Variants in KCNIP4 observed in about 807,000 individuals in gnomAD.
KCNIP4 encodes the protein Kv channel-interacting protein 4.
Under a neutral mutation model 34.0 loss-of-function variants are expected in KCNIP4, and 12 were observed. The observed-to-expected ratio is 0.35, with a 90% CI of 0.23 to 0.57. The LOEUF (loss-of-function observed/expected upper bound fraction) is 0.57, where lower values mean the gene tolerates loss of function less well. Among genes scored for constraint, KCNIP4 ranks in the 20% least tolerant of loss-of-function variants. KCNIP4 has a pLI of 0.83. For synonymous variants in KCNIP4, 124 were observed against 102.2 expected (o/e 1.21, Z -1.29); for missense variants, 238 against 311.7 (o/e 0.76, Z 1.78).
In KCNIP4 at chr4:21,756,757, C is replaced by T. The variant is rs117691581; in HGVS notation, c.61+191814G>A. Among the ~76,000 whole-genome samples, 333 of 152,018 alleles carry T rather than the reference C, an allele frequency of 2.2e-3. 3 individuals are homozygous for T. In the East Asian group the frequency reaches 0.033, roughly 15 times the overall value. ...AATCAATGAACACTCCTGAAATTTG[C>T]CACTTGTCATTTCATGATATTGAAA... On this transcript the variant is annotated intron_variant, in intron 1 of 8. Transcript: ENST00000382152.
At chr4:20,935,951 G>A (rs982652138) in intron 1 of KCNIP4, among the ~76,000 whole-genome samples, 2 of 152,156 alleles carry the variant, frequency 1.3e-5, no homozygotes, top group African/African-American at 4.8e-5. Flanking sequence ...GGCACTTTGT[G>A]AATGTAATTT....
At chr4:20,913,385 G>C (rs1728511421) in intron 1 of KCNIP4, among the ~76,000 whole-genome samples, 1 of 152,212 alleles carries the variant, frequency 6.6e-6, no homozygotes, top group Non-Finnish European at 1.5e-5. Context: ...CTGAGAGAAA[G>C]AGGGAATAGC....
chr4:21,173,577 G>T (rs1056102363), intron 1 of KCNIP4, among the ~76,000 whole-genome samples: 4 of 152,124 alleles, frequency 2.6e-5, no homozygotes, highest in Admixed American at 2.6e-4. Flanking sequence ...AAAATCTTAG[G>T]AATGATTTAG....
intron 1 of KCNIP4, among the ~76,000 whole-genome samples, chr4:21,193,110 T>C (rs6846494): frequency 0.44 from 65,123 of 148,670 alleles, 16,510 homozygotes; most frequent in African/African-American, 0.72. Context: ...AGCAAGACCC[T>C]GGCTAAAAAA....
intron 1 of KCNIP4, among the ~76,000 whole-genome samples, chr4:21,315,620 C>T (rs369598966): frequency 6.6e-6 from 1 of 152,062 alleles, no homozygotes; most frequent in South Asian, 2.1e-4. Context: ...AGTACCAAAT[C>T]GACATTAAAT....
chr4:21,732,690 G>A lies in KCNIP4; in HGVS notation c.61+215881C>T, dbSNP rs373187130. On this transcript the variant is annotated intron_variant, in intron 1 of 8. Coordinates refer to ENST00000382152, the MANE Select transcript of KCNIP4 (RefSeq NM_025221.6). ...GCACTGATCTGGGGTATTCGGTCTTGCCTCAGCTATGACTGCCTCAATACA... is the reference window on the plus strand; with the variant it reads ...GCACTGATCTGGGGTATTCGGTCTTACCTCAGCTATGACTGCCTCAATACA... Among the ~76,000 whole-genome samples, 1,362 of 151,984 alleles carry A rather than the reference G, an allele frequency of 9.0e-3. 22 individuals carry two copies. The highest frequency in any genetic ancestry group is 0.031 in the African/African-American group (1,299 of 41,448).
At chr4:21,152,733 C>T (rs980311167) in intron 1 of KCNIP4, among the ~76,000 whole-genome samples, 1 of 152,128 alleles carries the variant, frequency 6.6e-6, no homozygotes, top group African/African-American at 2.4e-5. Context: ...TGAGCAAAAG[C>T]CAGCGGTGAT....
intron 1 of KCNIP4, among the ~76,000 whole-genome samples, chr4:21,255,910 A>C (rs2109090265): frequency 6.6e-6 from 1 of 152,328 alleles, no homozygotes; most frequent in Middle Eastern, 3.4e-3. Flanking sequence ...AAGTGCCTAT[A>C]ATATGTCAAG....
At chr4:21,863,310 T>C (rs563799124) in intron 1 of KCNIP4, among the ~76,000 whole-genome samples, 2 of 149,382 alleles carry the variant, frequency 1.3e-5, no homozygotes, top group South Asian at 2.1e-4. Flanking sequence ...GGTCAGCAGA[T>C]AGAAATAGAC....
At chr4:21,468,412 C>G (rs571246408) in intron 1 of KCNIP4, among the ~76,000 whole-genome samples, 1 of 152,124 alleles carries the variant, frequency 6.6e-6, no homozygotes, top group Non-Finnish European at 1.5e-5. Flanking sequence ...AAAGACTGCT[C>G]GCAATCTCCA....
intron 1 of KCNIP4, among the ~76,000 whole-genome samples, chr4:21,746,165 C>T (rs1716764568): frequency 6.6e-6 from 1 of 152,050 alleles, no homozygotes; most frequent in Admixed American, 6.6e-5. Flanking sequence ...GATTAGGGCC[C>T]ATCCATAGAA....
At chr4:21,832,499 T>C (rs963310942) in intron 1 of KCNIP4, among the ~76,000 whole-genome samples, 1 of 152,182 alleles carries the variant, frequency 6.6e-6, no homozygotes, top group African/African-American at 2.4e-5. Flanking sequence ...TAATTACCCA[T>C]CTGAGGAAAT....
At chr4:21,939,951 C>T (rs1423396490) in intron 1 of KCNIP4, among the ~76,000 whole-genome samples, 1 of 152,080 alleles carries the variant, frequency 6.6e-6, no homozygotes, top group African/African-American at 2.4e-5. Flanking sequence ...AATTCCTACA[C>T]CAATTTGAAA....
intron 1 of KCNIP4, among the ~76,000 whole-genome samples, chr4:21,041,599 T>G (rs1741966686): frequency 6.6e-6 from 1 of 152,202 alleles, no homozygotes; most frequent in African/African-American, 2.4e-5. Flanking sequence ...AAATTTCACT[T>G]TCTTTGTTCT....
chr4:21,396,174 A>AAGACTAT (rs1296424532), intron 1 of KCNIP4, among the ~76,000 whole-genome samples: 9 of 152,016 alleles, frequency 5.9e-5, no homozygotes, highest in East Asian at 1.9e-4. Context: ...ATACATATAT[A>AAGACTAT]GTCCTTCTCT....
intron 1 of KCNIP4, among the ~76,000 whole-genome samples, chr4:21,281,652 C>T (rs961678193): frequency 1.3e-5 from 2 of 152,176 alleles, no homozygotes; most frequent in African/African-American, 4.8e-5. Context: ...CCTGAATTTA[C>T]ACAACTCAAG....
At chr4:21,167,180 A>G (rs569498825) in intron 1 of KCNIP4, among the ~76,000 whole-genome samples, 3 of 152,232 alleles carry the variant, frequency 2.0e-5, no homozygotes, top group Admixed American at 2.0e-4. Flanking sequence ...CATGTAGAAA[A>G]CAGACCCATG....
chr4:20,880,860 G>A (rs1403339837), intron 2 of KCNIP4, among the ~76,000 whole-genome samples: 1 of 152,092 alleles, frequency 6.6e-6, no homozygotes, highest in Non-Finnish European at 1.5e-5. Flanking sequence ...GGTCTTCCAG[G>A]TTGCTGATGA....
intron 1 of KCNIP4, chr4:21,697,426 A>G (rs376618627): frequency 1.3e-6 from 2 of 1,564,350 alleles, no homozygotes; most frequent in Non-Finnish European, 1.7e-6. Flanking sequence ...ACCGCTTTCT[A>G]CAGCCACTCA....
Sources: gnomAD v4.1 joint callset for allele counts (sites outside exome capture counted in the v4.1 genomes callset) on GRCh38, gnomAD v4.1.1 for gene constraint, MANE v1.5 for transcripts, NCBI Gene and HGNC (gene_info 2026-07-23, HGNC 2026-07-21) for gene names.